The following OLFM2 variants were observed in gnomAD, a reference collection of about 807,000 sequenced individuals.
OLFM2 encodes olfactomedin 2.
A neutral mutation model predicts 43.9 loss-of-function variants in OLFM2; 20 were observed. That is an observed-to-expected ratio of 0.46 (90% CI 0.32 to 0.66). The LOEUF (loss-of-function observed/expected upper bound fraction) is 0.66, where lower values mean the gene tolerates loss of function less well. OLFM2 is among the 30% of genes least tolerant of loss of function. OLFM2 has a pLI of 0.04. For missense variants in OLFM2, 416 were observed against 643.6 expected (o/e 0.65, Z 3.83); for synonymous variants, 268 against 278.6 (o/e 0.96, Z 0.38).
chr19:9,854,397 G>C lies in OLFM2; in HGVS notation c.1154C>G (p.Ser385Cys). 6.2e-7 allele frequency: 1 copy of C among 1,614,218 alleles called. No individual in the cohort carries two copies. Among genetic ancestry groups the C allele is most frequent in the Non-Finnish European group, 8.5e-7 (1 of 1,180,036 alleles). The change falls in exon 6 of 6, where the codon TCC becomes TGC. Residue 385 changes from serine to cysteine, a missense_variant. By Grantham distance (112) the Ser-to-Cys change is moderately radical (BLOSUM62 -1). Coordinates refer to ENST00000264833, the MANE Select transcript of OLFM2 (RefSeq NM_058164.4). The surrounding 1 kb of genome is among the most constrained non-coding windows in gnomAD (Gnocchi z 9.5). The stretch of plus-strand genomic sequence containing the variant: ...GTAGACCTTGGCCCCAGCCAGGTGG[G>C]AGTTGGTCACGTAGAGCACACCGCA... ...MICGVLYVTNSHLAGAKVYFA... is the reference protein window; with the variant it reads ...MICGVLYVTNCHLAGAKVYFA...
At chr19:9,906,470 G>C (rs2046786792) in intron 1 of OLFM2, among the ~76,000 whole-genome samples, 1 of 152,134 alleles carries the variant, frequency 6.6e-6, no homozygotes, top group Non-Finnish European at 1.5e-5. Context: ...AGACAAGAAA[G>C]AGCGCGCCCA....
chr19:9,854,741 G>A lies in OLFM2; in HGVS notation c.810C>T (p.Gly270=), dbSNP rs930482317. 2 of 1,613,944 alleles carry A rather than the reference G, an allele frequency of 1.2e-6. No individual in the cohort carries two copies. The highest frequency in any genetic ancestry group is 1.7e-5 in the Admixed American group (1 of 60,012). ...ACAGGGAGCCGTTGTACACCACGTG[G>A]CCCGTGCCCGCCCACGGCTGGGGCA... ...HLLPQPWAGT[G]HVVYNGSLFY... The change falls in exon 6 of 6, where the codon GGC becomes GGT. Residue 270 remains glycine (G), a synonymous_variant. Transcript: ENST00000264833. This position sits in a 1 kb window ranked among gnomAD's most constrained non-coding sequence, Gnocchi z 9.5.
At chr19:9,889,130 G>A (rs1394793276) in intron 1 of OLFM2, among the ~76,000 whole-genome samples, 1 of 151,930 alleles carries the variant, frequency 6.6e-6, no homozygotes, top group Admixed American at 6.6e-5. Flanking sequence ...TGCCCCTTAT[G>A]TGGGTGAGGA....
At chr19:9,885,165 T>C (rs563356617) in intron 1 of OLFM2, among the ~76,000 whole-genome samples, 183 of 152,300 alleles carry the variant, frequency 1.2e-3, no homozygotes, top group Non-Finnish European at 1.6e-3. Flanking sequence ...TGCCTCACTT[T>C]CCCCACCTGC....
At chr19:9,926,746 G>A (rs1338843510) in intron 1 of OLFM2, among the ~76,000 whole-genome samples, 1 of 152,094 alleles carries the variant, frequency 6.6e-6, no homozygotes, top group East Asian at 1.9e-4. Flanking sequence ...TTGGGAGGCT[G>A]AGGCAGGAAG....
At chr19:9,864,906 C>A (rs568574794) in intron 1 of OLFM2, among the ~76,000 whole-genome samples, 3 of 148,890 alleles carry the variant, frequency 2.0e-5, no homozygotes, top group Admixed American at 1.4e-4. Context: ...GCTGGTATTA[C>A]AGGTGTGAGC....
At chr19:9,858,979 T>C (rs905478813) in intron 2 of OLFM2, among the ~76,000 whole-genome samples, 1 of 151,858 alleles carries the variant, frequency 6.6e-6, no homozygotes, top group Non-Finnish European at 1.5e-5. Flanking sequence ...CTGGCTAAGG[T>C]AGACCTTTAC....
chr19:9,897,035 T>C (rs2046691560), intron 1 of OLFM2, among the ~76,000 whole-genome samples: 1 of 151,926 alleles, frequency 6.6e-6, no homozygotes, highest in Non-Finnish European at 1.5e-5. Context: ...CTACAAAAAA[T>C]TAGAGGATGT....
intron 1 of OLFM2, among the ~76,000 whole-genome samples, chr19:9,897,987 C>T (rs543785853): frequency 9.7e-4 from 148 of 151,940 alleles, no homozygotes; most frequent in African/African-American, 3.3e-3. Flanking sequence ...ACTGCAACCT[C>T]GACCTCCTGG....
chr19:9,870,282 G>T (rs2046432180), intron 1 of OLFM2, among the ~76,000 whole-genome samples: 1 of 152,128 alleles, frequency 6.6e-6, no homozygotes, highest in African/African-American at 2.4e-5. Context: ...ACTTCCTGAG[G>T]TCAAACGGTG....
intron 1 of OLFM2, among the ~76,000 whole-genome samples, chr19:9,903,895 T>C (rs971886793): frequency 6.6e-6 from 1 of 152,082 alleles, no homozygotes; most frequent in African/African-American, 2.4e-5. Flanking sequence ...AAAGGCTACA[T>C]CTACTTGTTA....
intron 1 of OLFM2, among the ~76,000 whole-genome samples, chr19:9,899,915 C>A (rs781430234): frequency 4.0e-5 from 6 of 151,750 alleles, no homozygotes; most frequent in African/African-American, 1.5e-4. Flanking sequence ...ATGATAATTT[C>A]TTGTTTATTT....
In OLFM2 at chr19:9,856,775, C is replaced by A; in HGVS notation, c.687+32G>T. ...AGTCAAAGGCTCTGTCCCTCCCAGG[C>A]CCTGACCCCAGGGGTGGGCGCAGTC... On this transcript the variant is annotated intron_variant, in intron 5 of 5. Coordinates refer to ENST00000264833, the MANE Select transcript of OLFM2 (RefSeq NM_058164.4). The surrounding 1 kb of genome is among the most constrained non-coding windows in gnomAD (Gnocchi z 4.0). 5 of 1,560,312 alleles carry A rather than the reference C, an allele frequency of 3.2e-6. No homozygotes were observed. Among genetic ancestry groups the A allele is most frequent in the Admixed American group, 3.4e-5 (2 of 58,104 alleles).
intron 1 of OLFM2, among the ~76,000 whole-genome samples, chr19:9,909,154 G>A (rs1021829529): frequency 2.6e-5 from 4 of 152,154 alleles, no homozygotes; most frequent in African/African-American, 9.7e-5. Flanking sequence ...GCCTTTTGCT[G>A]AGAACTGCTC....
intron 1 of OLFM2, among the ~76,000 whole-genome samples, chr19:9,914,282 C>T (rs1435139459): frequency 1.3e-5 from 2 of 152,090 alleles, no homozygotes; most frequent in Non-Finnish European, 2.9e-5. Context: ...AAACCTCGGA[C>T]AGCGGGCATT....
Position 9,857,385 on chromosome 19 carries a change from ACCT to A in OLFM2, c.455_457del (p.Glu152del), listed in dbSNP as rs1331569897. The A allele has an allele frequency of 6.2e-7, 1 of 1,613,924 alleles. No homozygotes were observed. Among genetic ancestry groups the A allele is most frequent in the Admixed American group, 1.7e-5 (1 of 59,998 alleles). On this transcript the variant is annotated inframe_deletion, in exon 4 of 6. Coordinates refer to ENST00000264833, the MANE Select transcript of OLFM2 (RefSeq NM_058164.4). This position sits in a 1 kb window ranked among gnomAD's most constrained non-coding sequence, Gnocchi z 5.7. Reference sequence around the variant, plus strand: ...CGCCAGACTGCCGGAGAGATTCCTCACCTCCTCCCGCAAGCGTACAATGGTCCG... The same window carrying A: ...CGCCAGACTGCCGGAGAGATTCCTCACCTCCCGCAAGCGTACAATGGTCCG...
At chr19:9,867,614 A>G (rs1315773020) in intron 1 of OLFM2, among the ~76,000 whole-genome samples, 2 of 152,218 alleles carry the variant, frequency 1.3e-5, no homozygotes, top group East Asian at 1.9e-4. Flanking sequence ...GCCTTGTTCC[A>G]GAGAGGACTC....
At chr19:9,876,028 C>T (rs766602849) in intron 1 of OLFM2, among the ~76,000 whole-genome samples, 2 of 151,944 alleles carry the variant, frequency 1.3e-5, no homozygotes, top group Non-Finnish European at 2.9e-5. Context: ...CTGTCTTCAG[C>T]GAGGTCATCT....
intron 1 of OLFM2, among the ~76,000 whole-genome samples, chr19:9,933,552 CTTTTTTT>C (rs34411076): frequency 2.5e-5 from 2 of 79,004 alleles, no homozygotes; most frequent in African/African-American, 1.2e-4. Context: ...TCACTCTAAT[CTTTTTTT>C]TTTTTTTTTT....
Sources: allele counts gnomAD v4.1 joint callset (sites outside exome capture counted in the v4.1 genomes callset), GRCh38; gene constraint gnomAD v4.1.1; non-coding constraint Gnocchi (gnomAD v3.1); transcripts MANE v1.5; gene names NCBI Gene and HGNC (gene_info 2026-07-23, HGNC 2026-07-21).